FAM193A: variants seen among roughly 807,000 people sequenced by gnomAD.
FAM193A encodes the protein family with sequence similarity 193 member A.
In FAM193A, 22 loss-of-function variants were observed where a neutral mutation model predicts 126.5. That is an observed-to-expected ratio of 0.17 (90% CI 0.12 to 0.25). The LOEUF (loss-of-function observed/expected upper bound fraction) is 0.25, where lower values mean the gene tolerates loss of function less well. Ranked by LOEUF, FAM193A falls within the 10% of genes least tolerant of loss-of-function variation. FAM193A has a pLI of 1.00. For synonymous variants in FAM193A, 761 were observed against 646.8 expected, an observed-to-expected ratio of 1.18 and a Z score of -2.68; for missense variants, 1,675 against 1,672.8, an observed-to-expected ratio of 1.00 and a Z score of -0.02.
At chr4:2,654,837 A>C (rs1711510941) in intron 7 of FAM193A, 1 of 376,378 alleles carries the variant, frequency 2.7e-6, no homozygotes, top group African/African-American at 2.0e-5. Flanking sequence ...TATGACCGGC[A>C]TCTTGAGTGG....
At chr4:2,719,360 A>G (rs1320089621) in intron 20 of FAM193A, among the ~76,000 whole-genome samples, 4 of 152,208 alleles carry the variant, frequency 2.6e-5, no homozygotes, top group African/African-American at 7.2e-5. Context: ...AAAAGAAACA[A>G]TATACCAAAT....
At chr4:2,668,658 T>C (rs765965573) in intron 12 of FAM193A, among the ~76,000 whole-genome samples, 1 of 152,246 alleles carries the variant, frequency 6.6e-6, no homozygotes, top group Admixed American at 6.5e-5. Flanking sequence ...CATTTGTATA[T>C]GTTACAAACC....
At chr4:2,640,238 A>T (rs894073986) in intron 6 of FAM193A, among the ~76,000 whole-genome samples, 5 of 152,162 alleles carry the variant, frequency 3.3e-5, no homozygotes, top group African/African-American at 1.2e-4. Context: ...AGGGTGCCCA[A>T]GGCCCTCCGG....
intron 13 of FAM193A, among the ~76,000 whole-genome samples, chr4:2,680,703 A>G (rs1715007495): frequency 6.6e-6 from 1 of 151,400 alleles, no homozygotes; most frequent in Non-Finnish European, 1.5e-5. Context: ...GTGCAATGGC[A>G]CCATCTTGGC....
intron 1 of FAM193A, among the ~76,000 whole-genome samples, chr4:2,594,339 C>T (rs1577052095): frequency 6.6e-6 from 1 of 152,050 alleles, no homozygotes; most frequent in Non-Finnish European, 1.5e-5. Context: ...TTTTGAATAC[C>T]GGTGGTGGGA....
At chr4:2,694,822 A>G (rs1453710232) in intron 16 of FAM193A, 124 bp from the exon 17 acceptor site, 17 of 769,820 alleles carry the variant, frequency 2.2e-5, no homozygotes, top group East Asian at 1.2e-4. Flanking sequence ...CCCTGGGACT[A>G]TGCACCCTCT....
In FAM193A at chr4:2,721,327, AAAAAAAAAAAAAAAG is replaced by A. The variant is rs1242042610; in HGVS notation, c.4454+5224_4454+5238del. Among the ~76,000 whole-genome samples, 1,222 of 150,066 alleles carry A rather than the reference AAAAAAAAAAAAAAAG, an allele frequency of 8.1e-3. 9 individuals carry two copies. Among genetic ancestry groups the A allele is most frequent in the South Asian group, 0.015 (71 of 4,760 alleles). On this transcript the variant is annotated intron_variant, in intron 20 of 20. Coordinates refer to ENST00000637812, the MANE Select transcript of FAM193A (RefSeq NM_001366318.2). ...GACTCCGTCTCAAAAAAAAAAAAAA[AAAAAAAAAAAAAAAG>A]CCAGGCATGGTGGTACATGCCTGTA...
intron 5 of FAM193A, among the ~76,000 whole-genome samples, chr4:2,637,672 A>G (rs143706442): frequency 6.6e-6 from 1 of 152,248 alleles, no homozygotes; most frequent in East Asian, 1.9e-4. Context: ...CTCTCGTAGG[A>G]GCTGTGAGGA....
intron 20 of FAM193A, among the ~76,000 whole-genome samples, chr4:2,717,598 GAA>G (rs571958608): frequency 2.9e-4 from 34 of 115,346 alleles, no homozygotes; most frequent in African/African-American, 8.1e-4. Context: ...TTTGTCTCAG[GAA>G]AAAAAAAAAA....
chr4:2,553,377 TTTTTG>T (rs990841147), intron 1 of FAM193A, among the ~76,000 whole-genome samples: 4 of 106,000 alleles, frequency 3.8e-5, no homozygotes, highest in African/African-American at 3.8e-5. Flanking sequence ...ATTTCCCTTC[TTTTTG>T]TTTTTTTTTT....
intron 5 of FAM193A, among the ~76,000 whole-genome samples, chr4:2,636,978 G>A (rs1744146445): frequency 6.6e-6 from 1 of 152,174 alleles, no homozygotes; most frequent in Non-Finnish European, 1.5e-5. Flanking sequence ...CACACTGCCT[G>A]GGGGATCAAA....
chr4:2,726,355 G>T (rs1003752100), intron 20 of FAM193A, among the ~76,000 whole-genome samples: 1 of 152,110 alleles, frequency 6.6e-6, no homozygotes, highest in African/African-American at 2.4e-5. Context: ...AACAACTTTT[G>T]TAATCACCTC....
In FAM193A at chr4:2,716,131, C is replaced by T. The variant is rs761930833; in HGVS notation, c.4454+27C>T. The T allele has an allele frequency of 7.8e-6, 11 of 1,417,788 alleles. No homozygotes were observed. In the African/African-American group the frequency reaches 9.8e-5, roughly 13 times the overall value. The allele number at this position is 1,417,788 out of a possible 1,614,324, so 87.8% of individuals were successfully genotyped here. On this transcript the variant is annotated intron_variant, in intron 20 of 20. Transcript: ENST00000637812. ...TAAATGTGGAGGCTGTGTCTGAAAC[C>T]GTGGTGACTGTGTGCTTGCCATACA... is the stretch of plus-strand genomic sequence containing the variant.
Position 2,700,364 on chromosome 4 carries a change from A to G in FAM193A, c.4192A>G (p.Asn1398Asp). Reference sequence around the variant, plus strand: ...GGAGAGAAAAGTCAACAGTAATAACAATAACAAAAAGCAGCTGAACCACAT... The same window carrying G: ...GGAGAGAAAAGTCAACAGTAATAACGATAACAAAAAGCAGCTGAACCACAT... ...REERKVNSNN[N>D]NKKQLNHIKD... is the part of the protein sequence containing the mutation. Residue 1398 changes from asparagine (N) to aspartate (D), a missense_variant, in exon 19 of 21, where the codon AAT (asparagine) becomes GAT (aspartate). By Grantham distance (23) the Asn-to-Asp change is conservative (BLOSUM62 1). Around this residue, in one of 4 missense-constraint regions of FAM193A, gnomAD observed 415 missense variants for 396.7 expected, o/e 1.05. Transcript: ENST00000637812. 2 of 1,614,144 alleles carry G rather than the reference A, an allele frequency of 1.2e-6. No homozygotes were observed. The highest frequency in any genetic ancestry group is 2.2e-5 in the South Asian group (2 of 91,084).
chr4:2,603,392 C>G (rs1741330572), intron 2 of FAM193A, among the ~76,000 whole-genome samples: 1 of 150,376 alleles, frequency 6.6e-6, no homozygotes, highest in Admixed American at 6.6e-5. Flanking sequence ...TCAAGCCATT[C>G]TCCTTCCTCA....
At chr4:2,619,866 T>C (rs1248907875) in intron 2 of FAM193A, among the ~76,000 whole-genome samples, 1 of 152,110 alleles carries the variant, frequency 6.6e-6, no homozygotes, top group Non-Finnish European at 1.5e-5. Flanking sequence ...ACATTTTGTA[T>C]TTTTAGTAGA....
intron 7 of FAM193A, among the ~76,000 whole-genome samples, chr4:2,657,383 T>C (rs1485599465): frequency 6.6e-6 from 1 of 152,236 alleles, no homozygotes; most frequent in African/African-American, 2.4e-5. Flanking sequence ...TGCTTTGCTT[T>C]TTAAGTCTCA....
At chr4:2,563,102 G>A (rs1560445150) in intron 1 of FAM193A, among the ~76,000 whole-genome samples, 1 of 151,686 alleles carries the variant, frequency 6.6e-6, no homozygotes, top group Non-Finnish European at 1.5e-5. Context: ...CTGCCACCAT[G>A]CCCAGCTAAT....
intron 19 of FAM193A, among the ~76,000 whole-genome samples, chr4:2,711,791 G>A (rs1719007067): frequency 6.6e-6 from 1 of 152,026 alleles, no homozygotes; most frequent in Non-Finnish European, 1.5e-5. Flanking sequence ...GCTGGACGTG[G>A]TGGCACGTGC....
Sources: allele counts gnomAD v4.1 joint callset (sites outside exome capture counted in the v4.1 genomes callset), GRCh38; gene constraint gnomAD v4.1.1; regional missense constraint gnomAD v4.1.1; transcripts MANE v1.5; gene names NCBI Gene and HGNC (gene_info 2026-07-23, HGNC 2026-07-21).